Variants in ZNF536 observed in about 807,000 individuals in gnomAD.
ZNF536 encodes the protein zinc finger protein 536.
A neutral mutation model predicts 84.5 loss-of-function variants in ZNF536; 13 were observed. The ratio of observed to expected loss-of-function variants is 0.15; its 90% CI spans 0.10 to 0.24. ZNF536 has a LOEUF of 0.24. Among genes scored for constraint, ZNF536 ranks in the 10% least tolerant of loss-of-function variants. The probability of loss-of-function intolerance (pLI) is 1.00; values close to 1 mark genes in which losing one functional copy is unlikely to be tolerated. For missense variants in ZNF536, 1,536 were observed against 1,747.5 expected (o/e 0.88, Z 2.16); for synonymous variants, 811 against 742.5 (o/e 1.09, Z -1.50).
intron 1 of ZNF536, among the ~76,000 whole-genome samples, chr19:30,660,536 C>T (rs1252885209): frequency 6.6e-6 from 1 of 152,190 alleles, no homozygotes; most frequent in Non-Finnish European, 1.5e-5. Flanking sequence ...ATATATAACA[C>T]AGTAAGAACT....
At chr19:30,436,144 G>A (rs1254663241) in intron 1 of ZNF536, among the ~76,000 whole-genome samples, 2 of 152,112 alleles carry the variant, frequency 1.3e-5, no homozygotes, top group African/African-American at 4.8e-5. Flanking sequence ...CCTTGACTTT[G>A]GCCAATGTTC....
At chr19:30,588,373 G>A (rs1272118486) in intron 1 of ZNF536, among the ~76,000 whole-genome samples, 1 of 152,148 alleles carries the variant, frequency 6.6e-6, no homozygotes, top group South Asian at 2.1e-4. Flanking sequence ...GGTCAGTGAG[G>A]GGGACAAGGT....
In ZNF536 at chr19:30,557,518, G is replaced by T. The variant is rs1891617612; in HGVS notation, c.*354G>T. 4.8e-6 allele frequency: 1 copy of T among 210,452 alleles called. No homozygotes were observed. The highest frequency in any genetic ancestry group is 1.1e-4 in the East Asian group (1 of 9,298). 13.0% of individuals were successfully genotyped at this position (210,452 alleles called of 1,614,324 possible). On this transcript the variant is annotated 3_prime_UTR_variant, in exon 5 of 5. Transcript: ENST00000355537. ...ACCTGTGGACAACCTGGCTGGGGGT[G>T]GGGGGCTGTTCCACCAGCTCACCTG... is the stretch of plus-strand genomic sequence containing the variant.
chr19:30,244,225 A>G (rs1045637496), intron 1 of ZNF536, among the ~76,000 whole-genome samples: 6 of 152,062 alleles, frequency 3.9e-5, no homozygotes, highest in Admixed American at 6.5e-5. Flanking sequence ...CTCATTTCCC[A>G]TTGTAACACT....
intron 1 of ZNF536, chr19:30,283,964 C>A (rs1356544199): frequency 6.6e-6 from 1 of 152,188 alleles, no homozygotes; most frequent in Non-Finnish European, 1.5e-5. Flanking sequence ...GTTTTTTAGG[C>A]TCTCAACTAA....
intron 1 of ZNF536, among the ~76,000 whole-genome samples, chr19:30,710,182 C>A (rs748605215): frequency 3.3e-5 from 5 of 152,080 alleles, no homozygotes; most frequent in Non-Finnish European, 7.3e-5. Context: ...TATTATTTAA[C>A]CCTTTATAGA....
chr19:30,652,065 G>C (rs1391598624), intron 1 of ZNF536, among the ~76,000 whole-genome samples: 1 of 152,202 alleles, frequency 6.6e-6, no homozygotes, highest in African/African-American at 2.4e-5. Flanking sequence ...GGCCAGGCCA[G>C]AGGATCTGAT....
chr19:30,514,615 T>C (rs1184888422), intron 2 of ZNF536, among the ~76,000 whole-genome samples: 1 of 151,924 alleles, frequency 6.6e-6, no homozygotes, highest in Non-Finnish European at 1.5e-5. Context: ...TGGTGGCTTT[T>C]CTTGGGGCAT....
intron 2 of ZNF536, among the ~76,000 whole-genome samples, chr19:30,513,286 A>G (rs921602192): frequency 1.3e-5 from 2 of 152,172 alleles, no homozygotes; most frequent in African/African-American, 4.8e-5. Context: ...TGTGTGCGCA[A>G]GAAAATAAAA....
chr19:30,645,799 A>T (rs2049443966), intron 1 of ZNF536, among the ~76,000 whole-genome samples: 1 of 152,250 alleles, frequency 6.6e-6, no homozygotes, highest in Non-Finnish European at 1.5e-5. Context: ...GCCACCCTGC[A>T]GCAGGGAGCT....
intron 1 of ZNF536, among the ~76,000 whole-genome samples, chr19:30,393,931 T>A (rs1040547940): frequency 1.3e-5 from 2 of 152,030 alleles, no homozygotes; most frequent in African/African-American, 4.8e-5. Context: ...GACAGGGCAG[T>A]GGTGGAGGAG....
intron 1 of ZNF536, among the ~76,000 whole-genome samples, chr19:30,440,321 C>CT (rs1947456673): frequency 6.6e-6 from 1 of 152,078 alleles, no homozygotes; most frequent in Admixed American, 6.6e-5. Flanking sequence ...GCCAGGGACC[C>CT]TTCCAACTCT....
At chr19:30,617,839 T>G (rs116764847) in intron 1 of ZNF536, among the ~76,000 whole-genome samples, 2 of 152,230 alleles carry the variant, frequency 1.3e-5, no homozygotes, top group Non-Finnish European at 2.9e-5. Context: ...AGAATTAATA[T>G]CTAAATCCAT....
At chr19:30,507,343 T>G (rs1313011966) in intron 2 of ZNF536, among the ~76,000 whole-genome samples, 1 of 151,616 alleles carries the variant, frequency 6.6e-6, no homozygotes, top group Non-Finnish European at 1.5e-5. Flanking sequence ...AGAGCGAGAC[T>G]CCATCTCAAA....
intron 1 of ZNF536, among the ~76,000 whole-genome samples, chr19:30,663,837 G>T (rs1249627540): frequency 1.3e-5 from 2 of 152,148 alleles, no homozygotes; most frequent in Non-Finnish European, 2.9e-5. Context: ...TTTTTAGGAT[G>T]ATGCTATTAA....
At chr19:30,521,037 C>T (rs139098633) in intron 2 of ZNF536, among the ~76,000 whole-genome samples, 14 of 152,326 alleles carry the variant, frequency 9.2e-5, no homozygotes, top group African/African-American at 3.4e-4. Context: ...AGCACTCAGA[C>T]CCTCTGTGAC....
At chr19:30,360,722 C>A (rs865861924) in intron 3 of ZNF536, among the ~76,000 whole-genome samples, 6 of 152,204 alleles carry the variant, frequency 3.9e-5, no homozygotes, top group Non-Finnish European at 8.8e-5. Flanking sequence ...CTGGGGAAGA[C>A]CACTGGCTAA....
chr19:30,607,271 T>A (rs920461332), intron 1 of ZNF536, among the ~76,000 whole-genome samples: 1 of 152,214 alleles, frequency 6.6e-6, no homozygotes, highest in Non-Finnish European at 1.5e-5. Context: ...GTGAAACTTT[T>A]TTTTGTTTTA....
At position 30,669,956 on chromosome 19, in the gene ZNF536, T is replaced by C. The variant is rs146735864; in HGVS notation, c.170-40801T>C. 6.8e-3 allele frequency among the ~76,000 whole-genome samples: 1,034 copies of C among 152,258 alleles called. 11 individuals are homozygous for C. Among genetic ancestry groups the C allele is most frequent in the African/African-American group, 0.024 (979 of 41,558 alleles). ...TTCTACAGGAGGGAAGAGAACGAAG[T>C]GGGCAAAAGAGCTGAGCCCAGAGTC... On this transcript the variant is annotated intron_variant, in intron 1 of 1. Transcript: ENST00000592773.
Sources: allele counts gnomAD v4.1 joint callset (sites outside exome capture counted in the v4.1 genomes callset), GRCh38; gene constraint gnomAD v4.1.1; transcripts MANE v1.5; gene names NCBI Gene and HGNC (gene_info 2026-07-23, HGNC 2026-07-21).